Variants in ANKS1A observed in about 807,000 individuals in gnomAD.
ANKS1A encodes the protein ankyrin repeat and SAM domain-containing protein 1A.
In ANKS1A, 55 loss-of-function variants were observed where a neutral mutation model predicts 120.3. The ratio of observed to expected loss-of-function variants is 0.46; its 90% CI spans 0.37 to 0.57. ANKS1A has a LOEUF of 0.57. ANKS1A is among the 20% of genes least tolerant of loss of function. The pLI is 0.00. For missense variants in ANKS1A, 1,123 were observed against 1,480.3 expected (o/e 0.76, Z 3.96); for synonymous variants, 590 against 604.7 (o/e 0.98, Z 0.36).
At chr6:34,918,512 C>T (rs144752095) in intron 1 of ANKS1A, among the ~76,000 whole-genome samples, 2 of 152,334 alleles carry the variant, frequency 1.3e-5, no homozygotes, top group East Asian at 3.9e-4. Context: ...CGGGGCTGAT[C>T]AAATGGCTGC....
Position 34,889,594 on chromosome 6 carries a change from G to C in ANKS1A, c.192G>C (p.Leu64=). The C allele has an allele frequency of 7.7e-7, 1 of 1,298,436 alleles. No individual in the cohort carries two copies. Among genetic ancestry groups the C allele is most frequent in the Non-Finnish European group, 9.7e-7 (1 of 1,032,492 alleles). 80.4% of individuals were successfully genotyped at this position (1,298,436 alleles called of 1,614,324 possible). A position where few individuals can be genotyped will look rare whatever the true frequency, so the allele number is the denominator to read the frequency against. Residue 64 remains leucine (L), a synonymous_variant, in exon 1 of 24, where the codon CTG becomes CTC. Transcript: ENST00000360359. The surrounding 1 kb of genome is among the most constrained non-coding windows in gnomAD (Gnocchi z 5.5). ...CTTCCAGCCACCCCCTCTCCAGTCT[G>C]CTCAGGTGGGTACGCGCCAGGGCCG... is the stretch of plus-strand genomic sequence containing the variant. The part of the protein sequence containing the change: ...LGSSSHPLSS[L]LSMWRGPNVN...
rs548041582 is a variant in ANKS1A at position 35,030,170 on chromosome 6, A to C, written c.2010+12111A>C. Among the ~76,000 whole-genome samples, 18 of 152,346 alleles carry C rather than the reference A, an allele frequency of 1.2e-4. 1 individual carries two copies. The highest frequency in any genetic ancestry group is 8.5e-4 in the Admixed American group (13 of 15,304). Reference sequence around the variant, plus strand: ...AACCTTTATTTCAGCATTAATTAGCAGTTACTTTTCATTTCCTCTTGTTTC... The same window carrying C: ...AACCTTTATTTCAGCATTAATTAGCCGTTACTTTTCATTTCCTCTTGTTTC... On this transcript the variant is annotated intron_variant, in intron 11 of 23. Transcript: ENST00000360359.
intron 10 of ANKS1A, among the ~76,000 whole-genome samples, chr6:35,016,203 A>G (rs1773995600): frequency 6.6e-6 from 1 of 152,230 alleles, no homozygotes; most frequent in Non-Finnish European, 1.5e-5. Context: ...CCAGATCTTC[A>G]GGCTTCTAGG....
intron 11 of ANKS1A, among the ~76,000 whole-genome samples, chr6:35,026,514 A>G (rs1480324957): frequency 1.3e-5 from 1 of 77,668 alleles, no homozygotes; most frequent in Non-Finnish European, 3.6e-5. Context: ...CGTAGTATGT[A>G]GTTGATGATG....
intron 1 of ANKS1A, among the ~76,000 whole-genome samples, chr6:34,965,989 C>T (rs1016978932): frequency 2.0e-5 from 3 of 152,080 alleles, no homozygotes; most frequent in African/African-American, 7.2e-5. Flanking sequence ...CTGATTGGCC[C>T]GCCTCAGCTT....
chr6:34,988,273 C>A lies in ANKS1A; in HGVS notation c.1210-951C>A, dbSNP rs563241332. 2.0e-5 allele frequency among the ~76,000 whole-genome samples: 3 copies of A among 152,288 alleles called. No homozygotes were observed. The South Asian group carries it at 6.2e-4, about 32-fold the overall frequency. On this transcript the variant is annotated intron_variant, in intron 8 of 23. Coordinates refer to ENST00000360359, the MANE Select transcript of ANKS1A (RefSeq NM_015245.3). ...AAAGCCTAAAATATTCACTATATGG[C>A]CCTTAAAAAGCTTCTTTTCCTTTTA...
intron 1 of ANKS1A, among the ~76,000 whole-genome samples, chr6:34,901,572 G>A (rs1464503437): frequency 1.3e-5 from 2 of 152,176 alleles, no homozygotes; most frequent in Non-Finnish European, 2.9e-5. Flanking sequence ...GCACAGTGAT[G>A]CAATCACAGC....
chr6:34,917,456 A>C (rs1189909646), intron 1 of ANKS1A, among the ~76,000 whole-genome samples: 2 of 152,188 alleles, frequency 1.3e-5, no homozygotes, highest in Admixed American at 6.5e-5. Context: ...AGTGTTCCAA[A>C]TTACTTATCA....
In ANKS1A at chr6:34,889,565, G is replaced by T; in HGVS notation, c.163G>T (p.Gly55Cys). The T allele has an allele frequency of 1.6e-6, 2 of 1,279,396 alleles. No homozygotes were observed. Among genetic ancestry groups the T allele is most frequent in the Non-Finnish European group, 2.0e-6 (2 of 1,023,432 alleles). 79.3% of individuals were successfully genotyped at this position (1,279,396 alleles called of 1,614,324 possible). A position where few individuals can be genotyped will look rare whatever the true frequency, so the allele number is the denominator to read the frequency against. The stretch of plus-strand genomic sequence containing the variant: ...CAGCGGCGGCGGCGGCGGCGGCCTC[G>T]GCTCTTCCAGCCACCCCCTCTCCAG... ...GGSGGGGGGL[G>C]SSSHPLSSLL... is the part of the protein sequence containing the mutation. Residue 55 changes from glycine to cysteine, a missense_variant, in exon 1 of 24, where the codon GGC becomes TGC. By Grantham distance (159) the Gly-to-Cys change is radical. Transcript: ENST00000360359. This position sits in a 1 kb window ranked among gnomAD's most constrained non-coding sequence, Gnocchi z 5.5.
intron 17 of ANKS1A, 37 bp downstream of exon 17, chr6:35,081,195 C>T (rs1777655097): frequency 6.4e-7 from 1 of 1,572,332 alleles, no homozygotes; most frequent in South Asian, 1.1e-5. Flanking sequence ...CCAGGCTCTA[C>T]CTCATTCCTC....
At chr6:34,938,067 A>G (rs923329403) in intron 1 of ANKS1A, among the ~76,000 whole-genome samples, 3 of 152,072 alleles carry the variant, frequency 2.0e-5, no homozygotes, top group African/African-American at 7.2e-5. Flanking sequence ...CCTTCCTTCC[A>G]TCTAAGCTGG....
intron 1 of ANKS1A, among the ~76,000 whole-genome samples, chr6:34,895,780 C>CTTTTTTTTTTTTT (rs995285475): frequency 5.5e-5 from 5 of 90,386 alleles, no homozygotes; most frequent in African/African-American, 1.4e-4. Flanking sequence ...GAATGTCTTT[C>CTTTTTTTTTTTTT]TTTTTTTTTT....
rs931465269 is a variant in ANKS1A, at chr6:34,935,175, C to T, written c.198-32064C>T. Among the ~76,000 whole-genome samples the T allele has an allele frequency of 2.6e-5, 4 of 152,230 alleles. No homozygotes were observed. In the East Asian group the frequency reaches 7.7e-4, roughly 29 times the overall value. On this transcript the variant is annotated intron_variant, in intron 1 of 23. Coordinates refer to ENST00000360359, the MANE Select transcript of ANKS1A (RefSeq NM_015245.3). The stretch of plus-strand genomic sequence containing the variant: ...GATCATAGTTCACTGGAACCTCCAA[C>T]AACTGGGCTTAAGCCATCCTCCCAC...
intron 1 of ANKS1A, among the ~76,000 whole-genome samples, chr6:34,902,782 G>A (rs1324249568): frequency 1.4e-4 from 18 of 125,230 alleles, no homozygotes; most frequent in Admixed American, 4.1e-4. Flanking sequence ...CACCCCGGGC[G>A]ACAAAGCAAG....
chr6:35,055,112 T>C (rs1776150856), intron 12 of ANKS1A, among the ~76,000 whole-genome samples: 2 of 152,058 alleles, frequency 1.3e-5, no homozygotes. Context: ...TGGGCTTGAG[T>C]GTGCACATCA....
chr6:35,043,013 A>C (rs571096761), intron 11 of ANKS1A, among the ~76,000 whole-genome samples: 2 of 152,296 alleles, frequency 1.3e-5, no homozygotes, highest in African/African-American at 4.8e-5. Flanking sequence ...GAGCCTCAGA[A>C]TATGTCTGCG....
At chr6:34,917,177 G>A (rs1280740991) in intron 1 of ANKS1A, among the ~76,000 whole-genome samples, 1 of 152,188 alleles carries the variant, frequency 6.6e-6, no homozygotes, top group Non-Finnish European at 1.5e-5. Flanking sequence ...GTCAGGGGAA[G>A]AGCCAGGAGA....
In ANKS1A at chr6:35,017,541, C is replaced by A. The variant is rs1438285335; in HGVS notation, c.1492C>A (p.Gln498Lys). The A allele has an allele frequency of 6.2e-7, 1 of 1,614,044 alleles. No individual in the cohort carries two copies. The change falls in exon 11 of 24, where the codon CAG (glutamine) becomes AAG (lysine). Residue 498 changes from glutamine to lysine, a missense_variant. By Grantham distance (53) the Gln-to-Lys change is moderately conservative. Transcript: ENST00000360359. ...GGGGCAGGACGGGCAGGTCCCAGAGCAGTTCTCAGGCCTCCTCCACGGCTC... is the reference window on the plus strand; with the variant it reads ...GGGGCAGGACGGGCAGGTCCCAGAGAAGTTCTCAGGCCTCCTCCACGGCTC... ...AEGQDGQVPE[Q>K]FSGLLHGSSP...
At chr6:35,025,649 G>A (rs1339395384) in intron 11 of ANKS1A, among the ~76,000 whole-genome samples, 1 of 151,628 alleles carries the variant, frequency 6.6e-6, no homozygotes, top group Non-Finnish European at 1.5e-5. Flanking sequence ...TTTCTTCTAT[G>A]CTTTTTTGTC....
Sources: gnomAD v4.1 joint callset for allele counts (sites outside exome capture counted in the v4.1 genomes callset) on GRCh38, gnomAD v4.1.1 for gene constraint, Gnocchi (gnomAD v3.1) non-coding constraint, MANE v1.5 for transcripts, NCBI Gene and HGNC (gene_info 2026-07-23, HGNC 2026-07-21) for gene names.